The following MVB12A variants were observed in gnomAD, a reference collection of about 807,000 sequenced individuals.
The protein encoded by MVB12A is CIN85/CD2AP family binding protein.
MVB12A carries 30 observed loss-of-function variants against 34.3 expected under a neutral mutation model. The ratio of observed to expected loss-of-function variants is 0.88; its 90% CI spans 0.65 to 1.19. The LOEUF is 1.19. MVB12A is among the 50% of genes most tolerant of loss of function. The pLI, the probability that MVB12A is intolerant of heterozygous loss-of-function variation, is 0.00. For synonymous variants in MVB12A, 158 were observed against 158.9 expected, an observed-to-expected ratio of 0.99 and a Z score of 0.04; for missense variants, 355 against 369.2, an observed-to-expected ratio of 0.96 and a Z score of 0.31.
intron 4 of MVB12A, 39 bp downstream of exon 4, chr19:17,422,497 C>T (rs750982858): frequency 1.9e-6 from 3 of 1,574,788 alleles, no homozygotes; most frequent in Non-Finnish European, 2.6e-6. Context: ...CTTCCCTGCC[C>T]TCCCAACTCA....
At chr19:17,413,071 G>A (rs995822722) in intron 2 of MVB12A, 3 of 151,580 alleles carry the variant, frequency 2.0e-5, no homozygotes, top group Non-Finnish European at 2.9e-5. Context: ...GATGTGTGAG[G>A]GCTTTTTTTT....
intron 4 of MVB12A, among the ~76,000 whole-genome samples, chr19:17,423,219 G>C (rs2145763595): frequency 6.8e-6 from 1 of 147,170 alleles, no homozygotes; most frequent in African/African-American, 2.5e-5. Flanking sequence ...AAAAAAATTA[G>C]CTGGGCATGG....
intron 2 of MVB12A, among the ~76,000 whole-genome samples, chr19:17,412,514 G>A (rs959230823): frequency 3.3e-5 from 5 of 151,990 alleles, no homozygotes; most frequent in Admixed American, 1.3e-4. Flanking sequence ...TGTTCCACCC[G>A]CCTCAGCCTC....
chr19:17,424,910 C>G lies in MVB12A; in HGVS notation c.760-21C>G, dbSNP rs764626226. On this transcript the variant is annotated intron_variant, in intron 8 of 8. Transcript: ENST00000317040. Reference sequence around the variant, plus strand: ...CTCTTTACTCTGGCACCTGTTCACTCTCTCTCTCCCCATCCCCCAGTATAA... The same window carrying G: ...CTCTTTACTCTGGCACCTGTTCACTGTCTCTCTCCCCATCCCCCAGTATAA... 3 of 1,588,298 alleles carry G rather than the reference C, an allele frequency of 1.9e-6. No homozygotes were observed. In the African/African-American group the frequency reaches 4.0e-5, roughly 21 times the overall value.
chr19:17,417,015 GTCC>G (rs761768249), upstream of MVB12A: 13 of 351,776 alleles, frequency 3.7e-5, no homozygotes, highest in Non-Finnish European at 6.8e-5. Context: ...CTCATCCATT[GTCC>G]TCCTCCTCTT....
chr19:17,407,737 C>T (rs1050341263), intron 2 of MVB12A, among the ~76,000 whole-genome samples: 6 of 152,172 alleles, frequency 3.9e-5, no homozygotes, highest in African/African-American at 1.2e-4. Flanking sequence ...CAGATAACCG[C>T]GGGCGAGCCT....
rs1025192611 is a variant in MVB12A, at chr19:17,425,057, C to A, written c.*64C>A. The A allele has an allele frequency of 8.1e-5, 67 of 825,352 alleles. No homozygotes were observed. The African/African-American group carries it at 1.1e-3, about 13-fold the overall frequency. 51.1% of individuals were successfully genotyped at this position (825,352 alleles called of 1,614,324 possible). On this transcript the variant is annotated 3_prime_UTR_variant, in exon 9 of 9. Transcript: ENST00000317040. ...CTCCCCGCCAGCCTGGGGCCACCCC[C>A]CCTCACTGCATCCTGGGGCCACCCC...
chr19:17,424,907 A>ACT (rs753209183), intron 8 of MVB12A, 24 bp from the exon 9 acceptor site: 5 of 1,555,796 alleles, frequency 3.2e-6, no homozygotes, highest in Admixed American at 1.9e-5. Flanking sequence ...GCACCTGTTC[A>ACT]CTCTCTCTCT....
chr19:17,422,945 C>T (rs10416672), intron 4 of MVB12A: 29,393 of 151,674 alleles, frequency 0.19, 2,884 homozygotes, highest in South Asian at 0.28. Flanking sequence ...AGCGAGACTC[C>T]GTCTCAAAAA....
chr19:17,416,412 C>CTT (rs555309319), upstream of MVB12A, among the ~76,000 whole-genome samples: 6 of 129,548 alleles, frequency 4.6e-5, no homozygotes, highest in Admixed American at 7.8e-5. Context: ...GCCCAGCCTG[C>CTT]TTTTTTTTTT....
At chr19:17,423,415 G>A in intron 4 of MVB12A, 83 bp from the exon 5 acceptor site, 1 of 1,497,740 alleles carries the variant, frequency 6.7e-7, no homozygotes, top group East Asian at 2.3e-5. Context: ...TGCATGCCCG[G>A]GTCCCCCGCC....
At position 17,420,580 on chromosome 19, in the gene MVB12A, G is replaced by A; in HGVS notation, c.232G>A (p.Asp78Asn). 2.5e-6 allele frequency: 4 copies of A among 1,614,038 alleles called. No homozygotes were observed. Among genetic ancestry groups the A allele is most frequent in the Non-Finnish European group, 3.4e-6 (4 of 1,179,948 alleles). Reference protein sequence around the residue: ...NVVADIQIVVDKSPLPLGFSP... With the variant: ...NVVADIQIVVNKSPLPLGFSP... Reference sequence around the variant, plus strand: ...GGTGGCCGATATCCAGATCGTGGTGGACAAGAGCCCCCTGCCGCTGGGCTT... The same window carrying A: ...GGTGGCCGATATCCAGATCGTGGTGAACAAGAGCCCCCTGCCGCTGGGCTT... The change falls in exon 3 of 9, where the codon GAC (aspartate) becomes AAC (asparagine). Residue 78 changes from aspartate to asparagine, a missense_variant. Asp to Asn is a conservative substitution (Grantham distance 23, BLOSUM62 1). Transcript: ENST00000317040.
Position 17,410,496 on chromosome 19 carries a change from T to TTATATATGTATATATA in MVB12A, c.-5+4200_-5+4201insTATATATGTATATATA, listed in dbSNP as rs1568387298. ...CGCTAGCATTCTTTTGGTTTTAGCT[T>TTATATATGTATATATA]CATATATATATATATATATATATAT... On this transcript the variant is annotated intron_variant, in intron 2 of 6. Transcript: ENST00000528604. Among the ~76,000 whole-genome samples the TTATATATGTATATATA allele has an allele frequency of 3.2e-3, 100 of 31,488 alleles. 3 individuals carry two copies. Among genetic ancestry groups the TTATATATGTATATATA allele is most frequent in the African/African-American group, 9.0e-3 (90 of 10,048 alleles). The allele number at this position is 31,488 out of a possible 152,430, so 20.7% of individuals were successfully genotyped here. A position where few individuals can be genotyped will look rare whatever the true frequency, so the allele number is the denominator to read the frequency against.
In MVB12A at chr19:17,425,174, C is replaced by A. The variant is rs1361963510; in HGVS notation, c.*181C>A. On this transcript the variant is annotated 3_prime_UTR_variant, in exon 9 of 9. Coordinates refer to ENST00000317040, the MANE Select transcript of MVB12A (RefSeq NM_138401.4). The stretch of plus-strand genomic sequence containing the variant: ...TGCAGCCCTGGAGGAGGGGGCGGGT[C>A]GAGGCTGCGTGGTGATGGGGTCTCC... The A allele has an allele frequency of 3.6e-6, 2 of 553,676 alleles. No individual in the cohort carries two copies. The highest frequency in any genetic ancestry group is 3.2e-6 in the Non-Finnish European group (1 of 314,176). 34.3% of individuals were successfully genotyped at this position (553,676 alleles called of 1,614,324 possible). A position where few individuals can be genotyped will look rare whatever the true frequency, so the allele number is the denominator to read the frequency against.
At chr19:17,421,111 A>T in intron 3 of MVB12A, 1 of 457,994 alleles carries the variant, frequency 2.2e-6, no homozygotes, top group Non-Finnish European at 4.4e-6. Flanking sequence ...GCCCCACCTG[A>T]ACTTTCCCAC....
At position 17,422,395 on chromosome 19, in the gene MVB12A, C is replaced by G; in HGVS notation, c.350C>G (p.Thr117Arg). Residue 117 changes from threonine to arginine, a missense_variant, in exon 4 of 9, where the codon ACG (threonine) becomes AGG (arginine). Transcript: ENST00000317040. ...CTGTTGCCCCTGGGAGCCACGGACA[C>G]GGCTGTGTTTGATGTCCGGCTGAGT... ...VKLLPLGATD[T>R]AVFDVRLSGK... 6.2e-7 allele frequency: 1 copy of G among 1,613,706 alleles called. No individual in the cohort carries two copies. The highest frequency in any genetic ancestry group is 8.5e-7 in the Non-Finnish European group (1 of 1,179,780).
intron 2 of MVB12A, among the ~76,000 whole-genome samples, chr19:17,413,923 A>G (rs2074783973): frequency 6.6e-6 from 1 of 152,138 alleles, no homozygotes; most frequent in Non-Finnish European, 1.5e-5. Context: ...CTGAACTCCC[A>G]GAAGTGGGGT....
At chr19:17,411,007 C>T (rs1389961788) in intron 2 of MVB12A, among the ~76,000 whole-genome samples, 1 of 149,612 alleles carries the variant, frequency 6.7e-6, no homozygotes, top group Non-Finnish European at 1.5e-5. Context: ...CTCACTCTGT[C>T]ACCTAGGCTG....
Position 17,423,567 on chromosome 19 carries a change from T to G in MVB12A, c.483T>G (p.Gly161=). Residue 161 remains glycine, a synonymous_variant, in exon 5 of 9, where the codon GGT becomes GGG. Transcript: ENST00000317040. The stretch of plus-strand genomic sequence containing the variant: ...CGAGGCCAGTGCCCAAGCCCCGAGG[T>G]CTCAGCCGGGACATGCAGGGCCTCT... ...KAPRPVPKPR[G]LSRDMQGLSL... 1 of 1,613,974 alleles carries G rather than the reference T, an allele frequency of 6.2e-7. No individual in the cohort carries two copies. Among genetic ancestry groups the G allele is most frequent in the Non-Finnish European group, 8.5e-7 (1 of 1,179,998 alleles).
Sources: gnomAD v4.1 joint callset for allele counts (sites outside exome capture counted in the v4.1 genomes callset) on GRCh38, gnomAD v4.1.1 for gene constraint, MANE v1.5 for transcripts, NCBI Gene and HGNC (gene_info 2026-07-23, HGNC 2026-07-21) for gene names.